The following EPN2 variants were observed in gnomAD, a reference collection of about 807,000 sequenced individuals.
EPN2 encodes the protein epsin 2.
A neutral mutation model predicts 61.7 loss-of-function variants in EPN2; 34 were observed. That is an observed-to-expected ratio of 0.55 (90% CI 0.42 to 0.73). EPN2 has a LOEUF of 0.73. Among genes scored for constraint, EPN2 ranks in the 30% least tolerant of loss-of-function variants. EPN2 has a pLI of 0.00. For missense variants in EPN2, 714 were observed against 839.2 expected (o/e 0.85, Z 1.84); for synonymous variants, 349 against 353.6 (o/e 0.99, Z 0.15).
Position 19,283,293 on chromosome 17 carries a change from C to T in EPN2, c.174C>T (p.Ser58=), listed in dbSNP as rs1290921814. 2 of 1,614,004 alleles carry T rather than the reference C, an allele frequency of 1.2e-6. No homozygotes were observed. The highest frequency in any genetic ancestry group is 1.7e-6 in the Non-Finnish European group (2 of 1,180,036). The part of the protein sequence containing the change: ...YNVVAFSEIM[S]MVWKRLNDHG... Reference sequence around the variant, plus strand: ...TGGTGGCCTTCTCGGAGATCATGAGCATGGTGTGGAAGCGGCTGAATGACC... The same window carrying T: ...TGGTGGCCTTCTCGGAGATCATGAGTATGGTGTGGAAGCGGCTGAATGACC... The change falls in exon 3 of 11, where the codon AGC becomes AGT. Residue 58 remains serine (S), a synonymous_variant. Coordinates refer to ENST00000314728, the MANE Select transcript of EPN2 (RefSeq NM_014964.5). This position sits in a 1 kb window ranked among gnomAD's most constrained non-coding sequence, Gnocchi z 7.0.
chr17:19,312,339 T>C (rs1906181667), intron 6 of EPN2, among the ~76,000 whole-genome samples, 195 bp downstream of exon 6: 1 of 152,142 alleles, frequency 6.6e-6, no homozygotes. Flanking sequence ...AGGAGACACT[T>C]AATGTCCCAG....
At position 19,334,460 on chromosome 17, in the gene EPN2, C is replaced by T. The variant is rs1239573500; in HGVS notation, c.*206C>T. On this transcript the variant is annotated 3_prime_UTR_variant, in exon 11 of 11. Transcript: ENST00000314728. The surrounding 1 kb of genome is among the most constrained non-coding windows in gnomAD (Gnocchi z 4.9). ...GGCCCCTCAGCCTGGCCTGCTCTCA[C>T]CACCTCCTCCAAAGCACTGAGGTCC... 3 of 409,676 alleles carry T rather than the reference C, an allele frequency of 7.3e-6. No homozygotes were observed. In the East Asian group the frequency reaches 1.1e-4, roughly 15 times the overall value. The allele number at this position is 409,676 out of a possible 1,614,324, so 25.4% of individuals were successfully genotyped here. A position where few individuals can be genotyped will look rare whatever the true frequency, so the allele number is the denominator to read the frequency against.
intron 1 of EPN2, among the ~76,000 whole-genome samples, chr17:19,278,024 A>C (rs1449639155): frequency 1.3e-5 from 2 of 150,280 alleles, no homozygotes; most frequent in Non-Finnish European, 3.0e-5. Flanking sequence ...CAGTGAGCCG[A>C]GATCACACCA....
intron 1 of EPN2, among the ~76,000 whole-genome samples, chr17:19,273,875 G>C (rs2045280491): frequency 6.6e-6 from 1 of 151,988 alleles, no homozygotes; most frequent in African/African-American, 2.4e-5. Flanking sequence ...AGTCATAATA[G>C]TCTTTTCTCT....
chr17:19,240,211 C>G (rs1051048179), intron 1 of EPN2, among the ~76,000 whole-genome samples: 1 of 151,948 alleles, frequency 6.6e-6, no homozygotes, highest in African/African-American at 2.4e-5. Flanking sequence ...ACCTGGTGAC[C>G]CTGAGCCTTG....
intron 7 of EPN2, among the ~76,000 whole-genome samples, chr17:19,327,604 T>A (rs1598025274): frequency 6.6e-6 from 1 of 151,622 alleles, no homozygotes; most frequent in Non-Finnish European, 1.5e-5. Context: ...GCATGGGAGG[T>A]GGAGGCGTAG....
chr17:19,284,986 A>C (rs1486429080), intron 3 of EPN2, among the ~76,000 whole-genome samples: 1 of 152,244 alleles, frequency 6.6e-6, no homozygotes, highest in African/African-American at 2.4e-5. Flanking sequence ...AATCTCCAGA[A>C]GCCTCAATGC....
intron 1 of EPN2, among the ~76,000 whole-genome samples, chr17:19,278,071 CAAAAAA>C (rs141413016): frequency 7.4e-6 from 1 of 134,624 alleles, no homozygotes; most frequent in Admixed American, 7.5e-5. Context: ...GACTATGTCT[CAAAAAA>C]AAAAAAAAAG....
intron 1 of EPN2, among the ~76,000 whole-genome samples, chr17:19,278,834 GC>G (rs1039725535): frequency 6.6e-6 from 1 of 152,064 alleles, no homozygotes; most frequent in African/African-American, 2.4e-5. Context: ...TTAGGGTTTT[GC>G]CCTGTTGGCC....
At chr17:19,290,673 A>T (rs1261736172) in intron 4 of EPN2, among the ~76,000 whole-genome samples, 4 of 130,968 alleles carry the variant, frequency 3.1e-5, no homozygotes, top group Non-Finnish European at 4.7e-5. Flanking sequence ...TCTTGGTGGG[A>T]GTTTAACTGC....
At chr17:19,259,860 G>A (rs1229178446) in intron 1 of EPN2, among the ~76,000 whole-genome samples, 2 of 152,172 alleles carry the variant, frequency 1.3e-5, no homozygotes, top group Admixed American at 1.3e-4. Flanking sequence ...TGGGTATTCT[G>A]CCTTACTGCT....
At position 19,283,284 on chromosome 17, in the gene EPN2, G is replaced by T. The variant is rs542206456; in HGVS notation, c.165G>T (p.Glu55Asp). ...DLTYNVVAFS[E>D]IMSMVWKRLN... ...CCTACAACGTGGTGGCCTTCTCGGA[G>T]ATCATGAGCATGGTGTGGAAGCGGC... The change falls in exon 3 of 11, where the codon GAG becomes GAT. Residue 55 changes from glutamate to aspartate, a missense_variant. Transcript: ENST00000314728. The surrounding 1 kb of genome is among the most constrained non-coding windows in gnomAD (Gnocchi z 7.0). 1.2e-6 allele frequency: 2 copies of T among 1,614,018 alleles called. No homozygotes were observed. The highest frequency in any genetic ancestry group is 1.7e-6 in the Non-Finnish European group (2 of 1,180,034).
At chr17:19,255,742 C>T (rs2045070303) in intron 1 of EPN2, among the ~76,000 whole-genome samples, 2 of 151,708 alleles carry the variant, frequency 1.3e-5, no homozygotes, top group South Asian at 2.1e-4. Flanking sequence ...CCCTCCTCAG[C>T]CTCCTGAGTA....
intron 4 of EPN2, among the ~76,000 whole-genome samples, chr17:19,294,543 A>C (rs1415342498): frequency 6.6e-6 from 1 of 152,254 alleles, no homozygotes; most frequent in East Asian, 1.9e-4. Flanking sequence ...ATAGGTAAAC[A>C]AACTATTGTT....
At chr17:19,271,226 G>A (rs1597984323) in intron 1 of EPN2, among the ~76,000 whole-genome samples, 1 of 152,084 alleles carries the variant, frequency 6.6e-6, no homozygotes, top group Non-Finnish European at 1.5e-5. Flanking sequence ...TAGAGGAGGG[G>A]CTCTGTTCCA....
At chr17:19,287,800 T>G (rs1028671096) in intron 4 of EPN2, among the ~76,000 whole-genome samples, 1 of 152,184 alleles carries the variant, frequency 6.6e-6, no homozygotes, top group African/African-American at 2.4e-5. Flanking sequence ...GAAGGCCTCT[T>G]GTGTGACTGG....
At chr17:19,292,369 G>C (rs1211963322) in intron 4 of EPN2, among the ~76,000 whole-genome samples, 1 of 152,226 alleles carries the variant, frequency 6.6e-6, no homozygotes. Flanking sequence ...TTGGGTTTTG[G>C]GGATGGACCA....
intron 7 of EPN2, among the ~76,000 whole-genome samples, chr17:19,318,276 A>G (rs1443885414): frequency 2.0e-5 from 3 of 152,148 alleles, no homozygotes; most frequent in East Asian, 3.9e-4. Flanking sequence ...TTGGCTGGAC[A>G]TGGTGGCTGA....
At chr17:19,331,231 A>T (rs769436148) in intron 9 of EPN2, among the ~76,000 whole-genome samples, 10 of 152,214 alleles carry the variant, frequency 6.6e-5, no homozygotes, top group Non-Finnish European at 1.3e-4. Flanking sequence ...TTGCTACTGT[A>T]AATGATGCTG....
Sources: allele counts gnomAD v4.1 joint callset (sites outside exome capture counted in the v4.1 genomes callset), GRCh38; gene constraint gnomAD v4.1.1; non-coding constraint Gnocchi (gnomAD v3.1); transcripts MANE v1.5; gene names NCBI Gene and HGNC (gene_info 2026-07-23, HGNC 2026-07-21).